The following HHAT variants were observed in gnomAD, a reference collection of about 807,000 sequenced individuals.
HHAT encodes the protein protein-cysteine N-palmitoyltransferase HHAT.
A neutral mutation model predicts 70.8 loss-of-function variants in HHAT; 47 were observed. The ratio of observed to expected loss-of-function variants is 0.66; its 90% confidence interval spans 0.53 to 0.85. HHAT has a LOEUF of 0.85. Ranked by LOEUF, HHAT falls within the 40% of genes least tolerant of loss-of-function variation. HHAT has a pLI of 0.00. For synonymous variants in HHAT, 228 were observed against 247.6 expected (o/e 0.92, Z 0.74); for missense variants, 609 against 604.8 (o/e 1.01, Z -0.07).
At position 210,419,424 on chromosome 1, in the gene HHAT, G is replaced by A. The variant is rs895395603; in HGVS notation, c.856+1099G>A. ...CTCTGGCCAAAACAGCAGAGCCCAC[G>A]CCCTTTTCTGAATAAAATCTCTTCA... is the stretch of plus-strand genomic sequence containing the variant. On this transcript the variant is annotated intron_variant, in intron 7 of 11. Transcript: ENST00000261458. Among the ~76,000 whole-genome samples the A allele has an allele frequency of 2.6e-5, 4 of 152,170 alleles. No individual in the cohort carries two copies. In the East Asian group the frequency reaches 5.8e-4, roughly 22 times the overall value.
At chr1:210,580,597 T>C (rs1433526771) in intron 9 of HHAT, among the ~76,000 whole-genome samples, 2 of 151,326 alleles carry the variant, frequency 1.3e-5, no homozygotes, top group Non-Finnish European at 2.9e-5. Flanking sequence ...GTGTTTGGTT[T>C]TCTGTTCCTG....
intron 7 of HHAT, among the ~76,000 whole-genome samples, chr1:210,436,466 A>G (rs545571445): frequency 1.4e-4 from 21 of 151,638 alleles, no homozygotes; most frequent in Admixed American, 1.3e-3. Flanking sequence ...GTAGTTCCAT[A>G]TGAGTTTTGG....
intron 7 of HHAT, among the ~76,000 whole-genome samples, chr1:210,432,620 G>T (rs2093277702): frequency 6.6e-6 from 1 of 151,934 alleles, no homozygotes; most frequent in Non-Finnish European, 1.5e-5. Flanking sequence ...CTGCCACGTA[G>T]TCTTAGATGG....
intron 9 of HHAT, among the ~76,000 whole-genome samples, chr1:210,531,432 G>A (rs1308636488): frequency 6.6e-6 from 1 of 152,174 alleles, no homozygotes; most frequent in Non-Finnish European, 1.5e-5. Flanking sequence ...AGAGGACGAG[G>A]AAGAAGAGGA....
At chr1:210,538,621 T>C (rs1354335856) in intron 9 of HHAT, among the ~76,000 whole-genome samples, 1 of 152,204 alleles carries the variant, frequency 6.6e-6, no homozygotes, top group African/African-American at 2.4e-5. Context: ...CTTGAGATTG[T>C]CTTCTACATT....
chr1:210,484,172 T>C (rs2094439946), intron 8 of HHAT, among the ~76,000 whole-genome samples: 1 of 152,316 alleles, frequency 6.6e-6, no homozygotes, highest in African/African-American at 2.4e-5. Context: ...GAGAATAGAA[T>C]GGAAAAATGC....
chr1:210,423,902 C>A (rs746923765), intron 7 of HHAT, among the ~76,000 whole-genome samples: 1 of 152,102 alleles, frequency 6.6e-6, no homozygotes, highest in African/African-American at 2.4e-5. Context: ...ATCTACATGC[C>A]TGTTTCTATG....
At chr1:210,478,498 G>A (rs1414456688) in intron 8 of HHAT, among the ~76,000 whole-genome samples, 1 of 152,152 alleles carries the variant, frequency 6.6e-6, no homozygotes, top group Non-Finnish European at 1.5e-5. Context: ...GAAATAGGAA[G>A]GTGAGGGGCC....
At chr1:210,620,980 CG>C (rs981577836) in intron 10 of HHAT, among the ~76,000 whole-genome samples, 3 of 151,498 alleles carry the variant, frequency 2.0e-5, no homozygotes, top group Non-Finnish European at 4.4e-5. Flanking sequence ...AAAGGAAGCA[CG>C]GTAGGAGCTG....
At chr1:210,369,341 T>G (rs1360726088) in intron 3 of HHAT, among the ~76,000 whole-genome samples, 1 of 152,228 alleles carries the variant, frequency 6.6e-6, no homozygotes, top group East Asian at 1.9e-4. Context: ...GACTTTCCAT[T>G]GCCTGTGAGG....
chr1:210,642,620 A>G (rs893408699), intron 11 of HHAT, among the ~76,000 whole-genome samples: 7 of 152,148 alleles, frequency 4.6e-5, no homozygotes, highest in African/African-American at 1.4e-4. Context: ...TATCTTTGCA[A>G]TGTTTATTAG....
At chr1:210,506,928 A>C (rs2094866237) in intron 8 of HHAT, among the ~76,000 whole-genome samples, 1 of 152,204 alleles carries the variant, frequency 6.6e-6, no homozygotes. Context: ...GTTATCAGTC[A>C]CACTGCATTG....
intron 9 of HHAT, among the ~76,000 whole-genome samples, chr1:210,523,492 G>C (rs536615308): frequency 1.3e-5 from 2 of 152,188 alleles, no homozygotes; most frequent in Non-Finnish European, 2.9e-5. Context: ...TACTTCTGGG[G>C]ATTGGGCTAA....
intron 9 of HHAT, among the ~76,000 whole-genome samples, chr1:210,586,263 A>T: frequency 6.6e-6 from 1 of 152,096 alleles, no homozygotes; most frequent in Admixed American, 6.6e-5. Flanking sequence ...GGCAACTTTT[A>T]TATCATCTCT....
chr1:210,569,425 G>C (rs2148730157), intron 9 of HHAT, among the ~76,000 whole-genome samples: 1 of 135,004 alleles, frequency 7.4e-6, no homozygotes, highest in South Asian at 2.5e-4. Context: ...ATCTGAGTTT[G>C]TGTTTTCCAC....
At chr1:210,362,309 A>T (rs2088431093) in intron 2 of HHAT, among the ~76,000 whole-genome samples, 1 of 150,126 alleles carries the variant, frequency 6.7e-6, no homozygotes, top group Admixed American at 6.6e-5. Flanking sequence ...GCAATGGCAT[A>T]ATCTTGGCTC....
intron 8 of HHAT, among the ~76,000 whole-genome samples, chr1:210,484,320 T>C (rs1288429647): frequency 6.6e-6 from 1 of 152,158 alleles, no homozygotes; most frequent in African/African-American, 2.4e-5. Context: ...AGTATCCTAA[T>C]GATGAGATTG....
At chr1:210,609,318 C>A (rs1316689514) in intron 10 of HHAT, among the ~76,000 whole-genome samples, 1 of 151,836 alleles carries the variant, frequency 6.6e-6, no homozygotes, top group Admixed American at 6.6e-5. Flanking sequence ...ATTTATTTTG[C>A]CTAATTGTCT....
intron 8 of HHAT, among the ~76,000 whole-genome samples, chr1:210,508,286 AATAGAAG>A (rs929102531): frequency 2.0e-5 from 3 of 152,068 alleles, no homozygotes; most frequent in Non-Finnish European, 4.4e-5. Context: ...TAATAATGAT[AATAGAAG>A]AATGAACTCA....
Sources: gnomAD v4.1 joint callset for allele counts (sites outside exome capture counted in the v4.1 genomes callset) on GRCh38, gnomAD v4.1.1 for gene constraint, MANE v1.5 for transcripts, NCBI Gene and HGNC (gene_info 2026-07-23, HGNC 2026-07-21) for gene names.